Variants in TLN2 observed in about 807,000 individuals in gnomAD.
The protein encoded by TLN2 is talin 2.
A neutral mutation model predicts 294.7 loss-of-function variants in TLN2; 118 were observed. The observed-to-expected ratio is 0.40, with a 90% CI of 0.34 to 0.47. TLN2 has a LOEUF of 0.47. TLN2 is among the 20% of genes least tolerant of loss of function. The pLI is 0.84. For missense variants in TLN2, 3,083 were observed against 3,282.2 expected, an observed-to-expected ratio of 0.94 and a Z score of 1.48; for synonymous variants, 1,431 against 1,304.5, an observed-to-expected ratio of 1.10 and a Z score of -2.09.
intron 1 of TLN2, among the ~76,000 whole-genome samples, chr15:62,450,812 C>T (rs902980967): frequency 1.3e-5 from 2 of 150,426 alleles, no homozygotes; most frequent in Non-Finnish European, 3.0e-5. Flanking sequence ...CTCAAGCTGT[C>T]CTTCTACCTC....
chr15:62,461,720 G>T (rs2036815467), intron 1 of TLN2, among the ~76,000 whole-genome samples: 1 of 152,192 alleles, frequency 6.6e-6, no homozygotes, highest in Non-Finnish European at 1.5e-5. Context: ...TTCAGCGAGG[G>T]CTTGAAGGAT....
Position 62,647,281 on chromosome 15 carries a change from T to C in TLN2, c.-30T>C. The C allele has an allele frequency of 1.2e-6, 2 of 1,603,738 alleles. No individual in the cohort carries two copies. The highest frequency in any genetic ancestry group is 8.5e-7 in the Non-Finnish European group (1 of 1,173,212). ...GTCTCTTTGTGTTTTCCAGACATTC[T>C]AAGTGAGACTGTCCACATCATCTAG... On this transcript the variant is annotated 5_prime_UTR_variant, in exon 4 of 59. Coordinates refer to ENST00000636159, the MANE Select transcript of TLN2 (RefSeq NM_015059.3).
intron 46 of TLN2, among the ~76,000 whole-genome samples, chr15:62,794,123 C>T (rs902550185): frequency 1.3e-5 from 2 of 152,176 alleles, no homozygotes; most frequent in African/African-American, 4.8e-5. Context: ...GGAGAGGGGT[C>T]CGAGCTACAT....
chr15:62,558,190 G>A (rs1293467767), intron 1 of TLN2, among the ~76,000 whole-genome samples: 2 of 152,176 alleles, frequency 1.3e-5, no homozygotes, highest in Admixed American at 1.3e-4. Context: ...TGGACATTTT[G>A]TATCTCAACT....
Position 62,653,304 on chromosome 15 carries a change from AGAT to A in TLN2, c.513_515del (p.Asp172del), listed in dbSNP as rs1366018210. The A allele has an allele frequency of 3.1e-6, 5 of 1,612,350 alleles. No homozygotes were observed. The highest frequency in any genetic ancestry group is 1.1e-5 in the South Asian group (1 of 90,502). On this transcript the variant is annotated inframe_deletion, in exon 7 of 59. Transcript: ENST00000636159. ...AGAAGTTGAAGGCCAAGCTGCACAC[AGAT>A]GATGACCGTAAGTGTTTGCAGAGGA...
At chr15:62,722,727 TTCC>T (rs909610047) in intron 26 of TLN2, among the ~76,000 whole-genome samples, 9 of 152,174 alleles carry the variant, frequency 5.9e-5, no homozygotes, top group East Asian at 1.9e-4. Context: ...AGTTGTGTAC[TTCC>T]TCCTCCTCCT....
At chr15:62,639,724 G>A (rs749683156) in intron 3 of TLN2, among the ~76,000 whole-genome samples, 1 of 152,084 alleles carries the variant, frequency 6.6e-6, no homozygotes, top group Non-Finnish European at 1.5e-5. Context: ...TGTAGATACC[G>A]AGACTAGGGG....
intron 4 of TLN2, 95 bp downstream of exon 4, chr15:62,647,541 C>G (rs2052028475): frequency 6.6e-7 from 1 of 1,522,390 alleles, no homozygotes; most frequent in African/African-American, 1.4e-5. Context: ...GTACACAAGC[C>G]TATTAGTGCA....
chr15:62,837,498 G>A (rs1567720154), intron 57 of TLN2, among the ~76,000 whole-genome samples: 2 of 152,312 alleles, frequency 1.3e-5, no homozygotes, highest in East Asian at 3.9e-4. Context: ...GCATATGACA[G>A]TGCTTTGTTA....
chr15:62,475,215 CTTTCA>C lies in TLN2; in HGVS notation c.-238+84535_-238+84539del, dbSNP rs1312950056. Among the ~76,000 whole-genome samples the C allele has an allele frequency of 5.3e-5, 8 of 152,262 alleles. No individual in the cohort carries two copies. In the East Asian group the frequency reaches 1.5e-3, roughly 29 times the overall value. On this transcript the variant is annotated intron_variant, in intron 1 of 58. Transcript: ENST00000636159. Reference sequence around the variant, plus strand: ...ATATGGTAATTTAAATTTATAATGACTTTCATTTCTTCAAGTTAAGAAAATAAACT... The same window carrying C: ...ATATGGTAATTTAAATTTATAATGACTTTCTTCAAGTTAAGAAAATAAACT...
At chr15:62,446,538 C>T (rs1384215728) in intron 1 of TLN2, among the ~76,000 whole-genome samples, 3 of 152,120 alleles carry the variant, frequency 2.0e-5, no homozygotes, top group Non-Finnish European at 2.9e-5. Context: ...GTGAGTCAGA[C>T]GACTTGGGTT....
intron 19 of TLN2, among the ~76,000 whole-genome samples, chr15:62,703,618 C>G (rs989262669): frequency 9.5e-6 from 1 of 105,614 alleles, no homozygotes; most frequent in Non-Finnish European, 2.0e-5. Flanking sequence ...CACACACACA[C>G]ACACGCGCGC....
At chr15:62,828,799 A>G (rs1279801941) in intron 54 of TLN2, 5 of 152,248 alleles carry the variant, frequency 3.3e-5, no homozygotes, top group South Asian at 2.1e-4. Context: ...GGATATATTC[A>G]TTCAGCAAAT....
intron 1 of TLN2, among the ~76,000 whole-genome samples, chr15:62,540,352 TAAAC>T (rs1198979495): frequency 1.7e-5 from 2 of 119,510 alleles, no homozygotes; most frequent in Non-Finnish European, 3.5e-5. Context: ...AATAAATAAA[TAAAC>T]TTTTTTTTTT....
At chr15:62,702,475 T>C (rs887408167) in intron 18 of TLN2, among the ~76,000 whole-genome samples, 1 of 152,230 alleles carries the variant, frequency 6.6e-6, no homozygotes, top group South Asian at 2.1e-4. Context: ...TTAAGGGGAA[T>C]AGAAGTTTGC....
At chr15:62,691,589 A>C (rs2057915936) in intron 12 of TLN2, among the ~76,000 whole-genome samples, 1 of 152,182 alleles carries the variant, frequency 6.6e-6, no homozygotes, top group Non-Finnish European at 1.5e-5. Context: ...CAGTGTTGGC[A>C]TGAGTTGATG....
At chr15:62,443,105 ATCC>A (rs762836628) in intron 1 of TLN2, among the ~76,000 whole-genome samples, 8 of 152,102 alleles carry the variant, frequency 5.3e-5, no homozygotes, top group Non-Finnish European at 1.2e-4. Flanking sequence ...CCATCTCAAG[ATCC>A]TCCTCAATCA....
chr15:62,669,137 A>AT (rs1466330186), intron 9 of TLN2, among the ~76,000 whole-genome samples: 13 of 152,214 alleles, frequency 8.5e-5, no homozygotes, highest in East Asian at 7.7e-4. Flanking sequence ...GATTTCCATG[A>AT]TTTTTTTCCT....
chr15:62,448,370 A>T (rs557369325), intron 1 of TLN2, among the ~76,000 whole-genome samples: 101 of 152,318 alleles, frequency 6.6e-4, no homozygotes, highest in African/African-American at 2.4e-3. Flanking sequence ...AGTTATAGAA[A>T]TGCATGATCA....
Sources: allele counts gnomAD v4.1 joint callset (sites outside exome capture counted in the v4.1 genomes callset), GRCh38; gene constraint gnomAD v4.1.1; transcripts MANE v1.5; gene names NCBI Gene and HGNC (gene_info 2026-07-23, HGNC 2026-07-21).